The following TMEM117 variants were observed in gnomAD, a reference collection of about 807,000 sequenced individuals.
TMEM117 encodes transmembrane protein 117.
In TMEM117, 27 loss-of-function variants were observed where a neutral mutation model predicts 52.4. That is an observed-to-expected ratio of 0.51 (90% CI 0.38 to 0.71). The LOEUF (loss-of-function observed/expected upper bound fraction) is 0.71, where lower values mean the gene tolerates loss of function less well. Among genes scored for constraint, TMEM117 ranks in the 30% least tolerant of loss-of-function variants. TMEM117 has a pLI of 0.00. For missense variants in TMEM117, 556 were observed against 630.5 expected, an observed-to-expected ratio of 0.88 and a Z score of 1.26; for synonymous variants, 215 against 206.3, an observed-to-expected ratio of 1.04 and a Z score of -0.36.
intron 3 of TMEM117, among the ~76,000 whole-genome samples, chr12:44,002,799 A>T (rs1191568277): frequency 6.6e-6 from 1 of 150,722 alleles, no homozygotes; most frequent in African/African-American, 2.5e-5. Context: ...AGGAGTGGGC[A>T]GCATGGACGG....
At chr12:44,342,662 C>T (rs1165147056) in intron 6 of TMEM117, among the ~76,000 whole-genome samples, 2 of 149,372 alleles carry the variant, frequency 1.3e-5, no homozygotes, top group Non-Finnish European at 1.5e-5. Context: ...AAAAAAGACT[C>T]ATTAAATATC....
At chr12:44,148,464 G>T (rs1422432345) in intron 4 of TMEM117, among the ~76,000 whole-genome samples, 1 of 151,818 alleles carries the variant, frequency 6.6e-6, no homozygotes, top group African/African-American at 2.4e-5. Context: ...TTAGAAAAAA[G>T]GTATTTTTTA....
rs142565032 is a variant in TMEM117 at position 43,890,572 on chromosome 12, C to G, written c.277+45644C>G. 8.3e-4 allele frequency among the ~76,000 whole-genome samples: 126 copies of G among 151,854 alleles called. 2 individuals carry two copies. The East Asian group carries it at 0.022, about 27-fold the overall frequency. On this transcript the variant is annotated intron_variant, in intron 2 of 7. Transcript: ENST00000266534. ...TTTTGAGACGGAGTTTTGCTCGTCA[C>G]CCAGGCTGGAGTGTAGTGGTGCAAT...
intron 2 of TMEM117, among the ~76,000 whole-genome samples, chr12:43,911,898 G>T (rs906211152): frequency 2.0e-5 from 3 of 148,170 alleles, no homozygotes; most frequent in Non-Finnish European, 3.0e-5. Flanking sequence ...CACTGTTGGT[G>T]GGACTGTAAA....
intron 3 of TMEM117, among the ~76,000 whole-genome samples, chr12:44,126,048 C>G (rs999625985): frequency 6.6e-6 from 1 of 151,784 alleles, no homozygotes; most frequent in Non-Finnish European, 1.5e-5. Context: ...ATCTTGACTT[C>G]TAATTTGATT....
intron 3 of TMEM117, among the ~76,000 whole-genome samples, chr12:44,097,973 A>T (rs898194311): frequency 6.6e-6 from 1 of 152,012 alleles, no homozygotes; most frequent in Admixed American, 6.6e-5. Context: ...TGAAATAGGA[A>T]TATAGGATGA....
intron 3 of TMEM117, among the ~76,000 whole-genome samples, chr12:44,094,873 T>C (rs1342986763): frequency 2.0e-5 from 3 of 152,254 alleles, no homozygotes; most frequent in Non-Finnish European, 4.4e-5. Context: ...AGGACTTTGT[T>C]AGACACTTTT....
At chr12:43,891,956 A>C (rs904471861) in intron 2 of TMEM117, among the ~76,000 whole-genome samples, 17 of 152,254 alleles carry the variant, frequency 1.1e-4, no homozygotes, top group African/African-American at 2.4e-4. Context: ...CACTGTCAAT[A>C]TCTCTCTCTT....
At chr12:43,890,998 T>G (rs534709476) in intron 2 of TMEM117, among the ~76,000 whole-genome samples, 1 of 152,152 alleles carries the variant, frequency 6.6e-6, no homozygotes. Context: ...TGTTACTTTC[T>G]TATTGATTCC....
chr12:44,013,227 G>A (rs536261600), intron 3 of TMEM117, among the ~76,000 whole-genome samples: 3 of 152,024 alleles, frequency 2.0e-5, no homozygotes, highest in South Asian at 2.1e-4. Flanking sequence ...ATGGGGTTTC[G>A]CCATGTTGCC....
chr12:44,054,561 C>A (rs374978114), intron 3 of TMEM117, among the ~76,000 whole-genome samples: 2 of 152,098 alleles, frequency 1.3e-5, no homozygotes, highest in Non-Finnish European at 2.9e-5. Flanking sequence ...AATTTGAAAA[C>A]TTTGGATTTT....
At chr12:44,257,710 G>A (rs910138611) in intron 5 of TMEM117, among the ~76,000 whole-genome samples, 2 of 152,052 alleles carry the variant, frequency 1.3e-5, no homozygotes, top group East Asian at 3.9e-4. Context: ...TGTCTCTGGT[G>A]CTGCACCCTG....
rs1948036156 is a variant in TMEM117, at chr12:44,110,279, G to C, written c.411-33246G>C. On this transcript the variant is annotated intron_variant, in intron 3 of 7. Transcript: ENST00000266534. ...AGCAGTGAGAGGGCATCCCTGTCTT[G>C]TGCCAGTTTTCAAAGGGAATGCTTC... is the stretch of plus-strand genomic sequence containing the variant. 4.0e-5 allele frequency among the ~76,000 whole-genome samples: 6 copies of C among 149,802 alleles called. No homozygotes were observed. The South Asian group carries it at 1.3e-3, about 32-fold the overall frequency.
At chr12:43,945,395 A>C (rs981339962) in intron 3 of TMEM117, among the ~76,000 whole-genome samples, 15 of 152,136 alleles carry the variant, frequency 9.9e-5, no homozygotes, top group Non-Finnish European at 1.6e-4. Context: ...CGGCTCACTC[A>C]CTGCAACCTC....
chr12:43,939,017 A>T (rs1251668923), intron 2 of TMEM117, among the ~76,000 whole-genome samples: 1 of 151,482 alleles, frequency 6.6e-6, no homozygotes, highest in African/African-American at 2.4e-5. Flanking sequence ...AAAAAAAAAT[A>T]AAAAATAAAA....
intron 3 of TMEM117, among the ~76,000 whole-genome samples, chr12:43,998,135 C>G (rs1236814024): frequency 1.3e-5 from 2 of 152,186 alleles, no homozygotes; most frequent in African/African-American, 4.8e-5. Flanking sequence ...GCAAAAATCC[C>G]TCACAACTGG....
chr12:44,399,092 A>C, the TMEM117 span, among the ~76,000 whole-genome samples: 1 of 152,200 alleles, frequency 6.6e-6, no homozygotes, highest in African/African-American at 2.4e-5. Context: ...TTTACAATAA[A>C]CTTTTTATAA....
chr12:43,925,677 T>C (rs576415797), intron 2 of TMEM117, among the ~76,000 whole-genome samples: 52 of 152,284 alleles, frequency 3.4e-4, no homozygotes, highest in Admixed American at 2.9e-3. Flanking sequence ...TAAAAACCTG[T>C]GCTTATTTCC....
chr12:43,873,624 C>T (rs1943742864), intron 2 of TMEM117, among the ~76,000 whole-genome samples: 1 of 152,002 alleles, frequency 6.6e-6, no homozygotes, highest in South Asian at 2.1e-4. Flanking sequence ...AAACTGTACT[C>T]ACTTTTGTTC....
Sources: gnomAD v4.1 joint callset for allele counts (sites outside exome capture counted in the v4.1 genomes callset) on GRCh38, gnomAD v4.1.1 for gene constraint, MANE v1.5 for transcripts, NCBI Gene and HGNC (gene_info 2026-07-23, HGNC 2026-07-21) for gene names.